BCAS4: variants seen among roughly 807,000 people sequenced by gnomAD.
The protein encoded by BCAS4 is breast carcinoma amplified sequence 4, also known as breast carcinoma-amplified sequence 4.
Under a neutral mutation model 15.7 loss-of-function variants are expected in BCAS4, and 9 were observed. The ratio of observed to expected loss-of-function variants is 0.57; its 90% confidence interval spans 0.34 to 1.00. The LOEUF (loss-of-function observed/expected upper bound fraction) is 1.00. Ranked by LOEUF, BCAS4 falls within the 50% of genes least tolerant of loss-of-function variation. The pLI, the probability that BCAS4 is intolerant of heterozygous loss-of-function variation, is 0.02. For missense variants in BCAS4, 225 were observed against 239.1 expected (o/e 0.94, Z 0.39); for synonymous variants, 101 against 99.5 (o/e 1.02, Z -0.09).
chr20:50,865,776 G>A (rs138600057), intron 4 of BCAS4, among the ~76,000 whole-genome samples: 9 of 152,202 alleles, frequency 5.9e-5, no homozygotes, highest in Non-Finnish European at 7.3e-5. Context: ...ATGGGAAGGG[G>A]CCGGTGCCCA....
At chr20:50,863,509 C>T (rs186813224) in intron 4 of BCAS4, among the ~76,000 whole-genome samples, 26 of 152,216 alleles carry the variant, frequency 1.7e-4, no homozygotes, top group Middle Eastern at 3.4e-3. Flanking sequence ...ACGCCTGTCT[C>T]GGCCTCCTAA....
intron 3 of BCAS4, chr20:50,840,878 G>A: frequency 2.7e-6 from 2 of 739,822 alleles, no homozygotes; most frequent in Non-Finnish European, 2.4e-6. Flanking sequence ...CGCGCAGGCT[G>A]GACTGCAATG....
chr20:50,817,358 C>T (rs2088152653), intron 1 of BCAS4, among the ~76,000 whole-genome samples: 1 of 152,204 alleles, frequency 6.6e-6, no homozygotes. Context: ...CTATGGGATG[C>T]CCGGTTGAAT....
At chr20:50,860,130 T>C (rs1978994340) in intron 4 of BCAS4, among the ~76,000 whole-genome samples, 1 of 152,118 alleles carries the variant, frequency 6.6e-6, no homozygotes, top group African/African-American at 2.4e-5. Flanking sequence ...AGTGAGATCC[T>C]GCCTGGAAAA....
intron 4 of BCAS4, among the ~76,000 whole-genome samples, chr20:50,871,720 C>T (rs1009422770): frequency 2.0e-5 from 3 of 152,206 alleles, no homozygotes; most frequent in African/African-American, 4.8e-5. Flanking sequence ...CATTCTCAGG[C>T]GGGCCCCTGG....
chr20:50,875,666 G>A (rs868722932), intron 4 of BCAS4, among the ~76,000 whole-genome samples: 7 of 151,320 alleles, frequency 4.6e-5, no homozygotes, highest in East Asian at 2.0e-4. Context: ...CTATAATCCC[G>A]GTTAACTCAG....
chr20:50,844,664 C>T lies in BCAS4; in HGVS notation c.399+2764C>T, dbSNP rs546288807. Among the ~76,000 whole-genome samples, 8 of 152,262 alleles carry T rather than the reference C, an allele frequency of 5.3e-5. 1 individual carries two copies. The East Asian group carries it at 1.5e-3, about 29-fold the overall frequency. The stretch of plus-strand genomic sequence containing the variant: ...GCTTGGAGATGGAGAATCACCTATC[C>T]AGAGTCACTACTGGGTTTGGAATCC... On this transcript the variant is annotated intron_variant, in intron 4 of 4. Coordinates refer to ENST00000371608, the MANE Select transcript of BCAS4 (RefSeq NM_198799.4).
chr20:50,828,581 A>G (rs1299628024), intron 2 of BCAS4, among the ~76,000 whole-genome samples: 1 of 152,140 alleles, frequency 6.6e-6, no homozygotes, highest in Non-Finnish European at 1.5e-5. Flanking sequence ...GGAGTTCAAG[A>G]CCAACCTGGC....
At chr20:50,803,272 T>C (rs1326502208) in intron 1 of BCAS4, among the ~76,000 whole-genome samples, 2 of 152,232 alleles carry the variant, frequency 1.3e-5, no homozygotes, top group Non-Finnish European at 1.5e-5. Flanking sequence ...AGTGGAGCAG[T>C]AGCGGCTGCA....
Position 50,830,305 on chromosome 20 carries a change from G to A in BCAS4, c.189G>A (p.Leu63=). 1 of 1,613,984 alleles carries A rather than the reference G, an allele frequency of 6.2e-7. No homozygotes were observed. Among genetic ancestry groups the A allele is most frequent in the Non-Finnish European group, 8.5e-7 (1 of 1,179,936 alleles). ...DLIRSDTSQI[L]EENIPVLKAK... ...TCAGGAGTGATACTTCACAGATCCTGGAGGAAAACATCCCAGTCCTTAAGG... is the reference window on the plus strand; with the variant it reads ...TCAGGAGTGATACTTCACAGATCCTAGAGGAAAACATCCCAGTCCTTAAGG... Residue 63 remains leucine, a synonymous_variant, in exon 3 of 5, where the codon CTG becomes CTA. Coordinates refer to ENST00000371608, the MANE Select transcript of BCAS4 (RefSeq NM_198799.4).
chr20:50,823,624 C>T (rs568100240), intron 2 of BCAS4, among the ~76,000 whole-genome samples: 160 of 152,116 alleles, frequency 1.1e-3, no homozygotes, highest in Non-Finnish European at 2.0e-3. Context: ...GAGTTTGAGA[C>T]CAGCCTGGGC....
chr20:50,796,837 A>AT (rs540602377), intron 1 of BCAS4, among the ~76,000 whole-genome samples: 28,258 of 140,902 alleles, frequency 0.2, 3,490 homozygotes, highest in African/African-American at 0.37. Flanking sequence ...GACGTTTTTA[A>AT]TTTTTTTTTT....
chr20:50,804,231 G>T lies in BCAS4; in HGVS notation c.90+9058G>T, dbSNP rs1171055904. ...TTTTTGTATTTTCAGTAGAGGCGGG[G>T]TTTCACCATGTTGGCCAGGCTGATC... On this transcript the variant is annotated intron_variant, in intron 1 of 4. Coordinates refer to ENST00000371608, the MANE Select transcript of BCAS4 (RefSeq NM_198799.4). Among the ~76,000 whole-genome samples the T allele has an allele frequency of 2.0e-5, 3 of 152,210 alleles. No individual in the cohort carries two copies. The East Asian group carries it at 5.8e-4, about 29-fold the overall frequency.
intron 1 of BCAS4, among the ~76,000 whole-genome samples, chr20:50,801,071 G>A (rs923725159): frequency 2.0e-5 from 3 of 152,068 alleles, no homozygotes; most frequent in African/African-American, 7.2e-5. Flanking sequence ...CTAACATGTC[G>A]CATCCTTTTG....
chr20:50,815,089 G>T (rs115301303), intron 1 of BCAS4, among the ~76,000 whole-genome samples: 23 of 152,348 alleles, frequency 1.5e-4, no homozygotes, highest in African/African-American at 5.3e-4. Context: ...TGCCAAACGG[G>T]CCTGATGGTT....
chr20:50,807,746 G>GTT (rs1426798728), intron 1 of BCAS4, among the ~76,000 whole-genome samples: 76 of 152,122 alleles, frequency 5.0e-4, no homozygotes, highest in Non-Finnish European at 9.6e-4. Context: ...TCACTTACGA[G>GTT]TGAGAACATA....
At position 50,830,392 on chromosome 20, in the gene BCAS4, C is replaced by T; in HGVS notation, c.264+12C>T. 1 of 1,604,098 alleles carries T rather than the reference C, an allele frequency of 6.2e-7. No homozygotes were observed. Among genetic ancestry groups the T allele is most frequent in the South Asian group, 1.1e-5 (1 of 89,978 alleles). ...TGGACCGGCTAGAGGTACGTCTAGG[C>T]AAACGAAGGTTCTGAGGCTGTGGAC... On this transcript the variant is annotated intron_variant, in intron 3 of 4. Coordinates refer to ENST00000371608, the MANE Select transcript of BCAS4 (RefSeq NM_198799.4).
intron 3 of BCAS4, among the ~76,000 whole-genome samples, chr20:50,838,241 G>A (rs1404768828): frequency 1.3e-5 from 2 of 152,226 alleles, no homozygotes; most frequent in African/African-American, 4.8e-5. Flanking sequence ...CTTGGCCTGT[G>A]AGCAGTGCTG....
intron 4 of BCAS4, among the ~76,000 whole-genome samples, chr20:50,856,007 C>A (rs541781344): frequency 2.0e-5 from 3 of 152,156 alleles, no homozygotes; most frequent in Non-Finnish European, 2.9e-5. Context: ...GAAAGGCCTG[C>A]GGGAGGGAAG....
Sources: gnomAD v4.1 joint callset for allele counts (sites outside exome capture counted in the v4.1 genomes callset) on GRCh38, gnomAD v4.1.1 for gene constraint, MANE v1.5 for transcripts, NCBI Gene and HGNC (gene_info 2026-07-23, HGNC 2026-07-21) for gene names.